TNS1: variants seen among roughly 807,000 people sequenced by gnomAD.
The protein encoded by TNS1 is tensin-1.
TNS1 carries 62 observed loss-of-function variants against 168.6 expected under a neutral mutation model. The ratio of observed to expected loss-of-function variants is 0.37; its 90% CI spans 0.30 to 0.45. The LOEUF is 0.45. TNS1 is among the 20% of genes least tolerant of loss of function. The pLI is 1.00. For missense variants in TNS1, 2,240 were observed against 2,339.4 expected (o/e 0.96, Z 0.88); for synonymous variants, 934 against 933.2 (o/e 1.00, Z -0.02).
At chr2:217,808,727 C>G (rs986786598) in intron 30 of TNS1, 56 bp from the exon 31 acceptor site, 5 of 1,536,818 alleles carry the variant, frequency 3.3e-6, no homozygotes, top group Non-Finnish European at 3.6e-6. Flanking sequence ...CTGCTTTTCC[C>G]CTCCTTCCAC....
intron 3 of TNS1, among the ~76,000 whole-genome samples, chr2:217,958,198 T>TA (rs886300837): frequency 2.0e-5 from 3 of 152,012 alleles, no homozygotes; most frequent in East Asian, 3.9e-4. Flanking sequence ...ATAAAAGGTT[T>TA]AAAAAAAAGC....
rs1002677038 is a variant in TNS1, at chr2:217,897,702, A to G, written c.543+96T>C. ...AACAAAGAGAAGAGGGCATGCTGGC[A>G]CAGGGGCTGGTGGCAGGGATACCAG... On this transcript the variant is annotated intron_variant, in intron 8 of 32. Coordinates refer to ENST00000682258, the MANE Select transcript of TNS1 (RefSeq NM_001387777.1). 3.7e-6 allele frequency: 5 copies of G among 1,340,020 alleles called. No individual in the cohort carries two copies. The Middle Eastern group carries it at 6.6e-4, about 176-fold the overall frequency. 83.0% of individuals were successfully genotyped at this position (1,340,020 alleles called of 1,614,324 possible). A position where few individuals can be genotyped will look rare whatever the true frequency, so the allele number is the denominator to read the frequency against.
chr2:217,881,101 C>T, intron 17 of TNS1, 87 bp from the exon 18 acceptor site: 1 of 961,680 alleles, frequency 1.0e-6, no homozygotes, highest in Non-Finnish European at 1.6e-6. Flanking sequence ...AGAGAAAGCC[C>T]ACAAGCTCCC....
intron 3 of TNS1, among the ~76,000 whole-genome samples, chr2:217,966,609 C>G (rs1028092408): frequency 1.1e-4 from 16 of 152,248 alleles, no homozygotes; most frequent in African/African-American, 3.4e-4. Context: ...TAATGCAGAT[C>G]CCTAAGTCTA....
chr2:217,840,200 G>A (rs923756114), intron 19 of TNS1, among the ~76,000 whole-genome samples: 6 of 152,198 alleles, frequency 3.9e-5, no homozygotes, highest in Non-Finnish European at 5.9e-5. Context: ...GAGCTGCTCA[G>A]GGGCATGGTG....
chr2:218,002,742 G>A (rs959475790), intron 1 of TNS1, 98 bp downstream of exon 1: 20 of 454,780 alleles, frequency 4.4e-5, no homozygotes, highest in African/African-American at 2.6e-4. Context: ...GACACCCCCC[G>A]ACCCCGGGCT....
chr2:217,989,710 C>T (rs971763053), intron 2 of TNS1, among the ~76,000 whole-genome samples: 4 of 152,112 alleles, frequency 2.6e-5, no homozygotes, highest in African/African-American at 4.8e-5. Context: ...CTCGGGGCCT[C>T]TTAAAGTTGC....
At chr2:217,946,436 G>C (rs1472232094) in intron 3 of TNS1, among the ~76,000 whole-genome samples, 1 of 152,216 alleles carries the variant, frequency 6.6e-6, no homozygotes, top group Non-Finnish European at 1.5e-5. Context: ...AGTGTGGAAT[G>C]AATAAATGAA....
intron 1 of TNS1, among the ~76,000 whole-genome samples, chr2:218,000,026 T>A (rs1013893035): frequency 3.9e-5 from 6 of 152,186 alleles, no homozygotes; most frequent in Non-Finnish European, 8.8e-5. Flanking sequence ...AGGAAGGGCC[T>A]CCACCTCTAA....
upstream of TNS1, among the ~76,000 whole-genome samples, chr2:218,015,403 C>T (rs1008118739): frequency 1.3e-5 from 2 of 151,990 alleles, no homozygotes; most frequent in African/African-American, 4.8e-5. Context: ...TCATAGATAT[C>T]CCAAGGAGGT....
chr2:217,953,179 G>A (rs1450221206), intron 3 of TNS1, among the ~76,000 whole-genome samples: 1 of 152,054 alleles, frequency 6.6e-6, no homozygotes, highest in African/African-American at 2.4e-5. Context: ...GCAGGGCCCA[G>A]ATGAAGGATG....
chr2:217,989,163 C>T (rs562380382), intron 2 of TNS1, among the ~76,000 whole-genome samples: 2 of 152,260 alleles, frequency 1.3e-5, no homozygotes, highest in South Asian at 2.1e-4. Context: ...GAGGAACATG[C>T]GGCAGAGAGC....
intron 32 of TNS1, among the ~76,000 whole-genome samples, chr2:217,805,522 A>ATAC (rs1938556117): frequency 1.3e-3 from 4 of 3,110 alleles, no homozygotes; most frequent in Admixed American, 5.4e-3. Context: ...CACACCACAC[A>ATAC]CACCACACAC....
At chr2:217,921,014 G>A (rs75098867) in intron 3 of TNS1, among the ~76,000 whole-genome samples, 2 of 151,100 alleles carry the variant, frequency 1.3e-5, no homozygotes, top group East Asian at 2.0e-4. Context: ...GGAGAGTGGA[G>A]GGGAGGGAGC....
upstream of TNS1, among the ~76,000 whole-genome samples, chr2:218,013,785 A>G (rs1412254224): frequency 2.0e-5 from 3 of 152,038 alleles, no homozygotes; most frequent in African/African-American, 2.4e-5. Context: ...AGGAGGAGGA[A>G]TGACTTCTCC....
chr2:217,944,100 T>A (rs1183648474), intron 3 of TNS1: 1 of 152,274 alleles, frequency 6.6e-6, no homozygotes. Flanking sequence ...TCGGGTTCCC[T>A]CCCAGGCCAG....
At chr2:217,891,173 A>AGGCTTGTCTTCCCTC in intron 11 of TNS1, 128 bp from the exon 12 acceptor site, 2 of 808,994 alleles carry the variant, frequency 2.5e-6, no homozygotes, top group Non-Finnish European at 4.1e-6. Context: ...TGGAGGGAAG[A>AGGCTTGTCTTCCCTC]CAAGCCTCTT....
intron 18 of TNS1, among the ~76,000 whole-genome samples, chr2:217,853,725 C>A (rs1947798440): frequency 6.6e-6 from 1 of 152,206 alleles, no homozygotes; most frequent in East Asian, 1.9e-4. Flanking sequence ...AGCTTGATTG[C>A]ACCACGGGGC....
rs1271800291 is a variant in TNS1 at position 217,880,766 on chromosome 2, G to A, written c.1429+132C>T. 5.7e-6 allele frequency: 4 copies of A among 699,006 alleles called. No individual in the cohort carries two copies. The highest frequency in any genetic ancestry group is 1.8e-5 in the African/African-American group (1 of 56,514). The allele number at this position is 699,006 out of a possible 1,614,324, so 43.3% of individuals were successfully genotyped here. ...TCCCCCAGTTAACGGTGAGCTCTCG[G>A]AGGTACCTCACACTTCCCCTCTGCC... On this transcript the variant is annotated intron_variant, in intron 18 of 32. Transcript: ENST00000682258. This position sits in a 1 kb window ranked among gnomAD's most constrained non-coding sequence, Gnocchi z 4.2.
Sources: allele counts gnomAD v4.1 joint callset (sites outside exome capture counted in the v4.1 genomes callset), GRCh38; gene constraint gnomAD v4.1.1; non-coding constraint Gnocchi (gnomAD v3.1); transcripts MANE v1.5; gene names NCBI Gene and HGNC (gene_info 2026-07-23, HGNC 2026-07-21).